Variants in DNAH11 observed in about 807,000 individuals in gnomAD.
The protein encoded by DNAH11 is axonemal beta dynein heavy chain 11.
Under a neutral mutation model 526.0 loss-of-function variants are expected in DNAH11, and 442 were observed. The ratio of observed to expected loss-of-function variants is 0.84; its 90% CI spans 0.78 to 0.91. DNAH11 has a LOEUF of 0.91. DNAH11 is among the 40% of genes least tolerant of loss of function. The pLI is 0.00. For missense variants in DNAH11, 6,989 were observed against 5,448.7 expected, an observed-to-expected ratio of 1.28 and a Z score of -8.90; for synonymous variants, 2,461 against 1,935.9, an observed-to-expected ratio of 1.27 and a Z score of -7.12.
At chr7:21,745,789 A>T (rs1193994472) in intron 51 of DNAH11, among the ~76,000 whole-genome samples, 1 of 152,240 alleles carries the variant, frequency 6.6e-6, no homozygotes, top group Non-Finnish European at 1.5e-5. Flanking sequence ...GAGAAATACA[A>T]TAAGTGAATT....
intron 36 of DNAH11, among the ~76,000 whole-genome samples, chr7:21,699,118 G>A (rs1783962740): frequency 6.6e-6 from 1 of 152,078 alleles, no homozygotes; most frequent in Admixed American, 6.5e-5. Context: ...ATAAGATAGG[G>A]CAGGAGTGTT....
chr7:21,882,200 G>T (rs1281927350), intron 75 of DNAH11, among the ~76,000 whole-genome samples: 2 of 152,188 alleles, frequency 1.3e-5, no homozygotes, highest in Admixed American at 6.5e-5. Context: ...GAAGAGGGAA[G>T]TGGACACACG....
intron 54 of DNAH11, among the ~76,000 whole-genome samples, chr7:21,751,753 C>T (rs41479046): frequency 0.011 from 1,614 of 152,308 alleles, 20 homozygotes; most frequent in Middle Eastern, 0.037. Flanking sequence ...GTTAATCTTA[C>T]TGAGCAATTC....
chr7:21,728,237 CTTTTTTTTTTTTTT>C lies in DNAH11; in HGVS notation c.7440+2278_7440+2291del, dbSNP rs71026816. ...TCACCCATTCCAACAGCCCACAATT[CTTTTTTTTTTTTTT>C]TTTTTTTTTTTTTTTTTTTTTTTTG... On this transcript the variant is annotated intron_variant, in intron 45 of 81. Transcript: ENST00000409508. 5.8e-4 allele frequency among the ~76,000 whole-genome samples: 34 copies of C among 58,940 alleles called. 1 individual carries two copies. The highest frequency in any genetic ancestry group is 8.8e-4 in the Non-Finnish European group (30 of 34,186). The allele number at this position is 58,940 out of a possible 152,430, so 38.7% of individuals were successfully genotyped here. A position where few individuals can be genotyped will look rare whatever the true frequency, so the allele number is the denominator to read the frequency against.
At chr7:21,856,734 T>C (rs919745195) in intron 68 of DNAH11, among the ~76,000 whole-genome samples, 6 of 151,904 alleles carry the variant, frequency 3.9e-5, no homozygotes, top group African/African-American at 7.3e-5. Context: ...AAAAAGCTCA[T>C]ATGGTCATTT....
Position 21,786,623 on chromosome 7 carries a change from G to T in DNAH11, c.9598-1G>T. ...ACGTGTTTCTGTGTGCTTTTCTTCAGGTCAACCTCAGTGAGCTGAAAGCCT... is the reference window on the plus strand; with the variant it reads ...ACGTGTTTCTGTGTGCTTTTCTTCATGTCAACCTCAGTGAGCTGAAAGCCT... On this transcript the variant is annotated splice_acceptor_variant, in intron 58 of 81. Coordinates refer to ENST00000409508, the MANE Select transcript of DNAH11 (RefSeq NM_001277115.2). LOFTEE classifies it high-confidence loss of function. 1.9e-6 allele frequency: 3 copies of T among 1,610,134 alleles called. No individual in the cohort carries two copies. Among genetic ancestry groups the T allele is most frequent in the Non-Finnish European group, 2.5e-6 (3 of 1,177,352 alleles).
Position 21,587,193 on chromosome 7 carries a change from T to C in DNAH11, c.1711-871T>C, listed in dbSNP as rs149360004. On this transcript the variant is annotated intron_variant, in intron 9 of 81. Transcript: ENST00000409508. ...GGTAGTAAACAAGACAAGAGACTAA[T>C]GGGAATCCAAAATCAGACTCACTGG... Among the ~76,000 whole-genome samples, 583 of 152,312 alleles carry C rather than the reference T, an allele frequency of 3.8e-3. 3 individuals are homozygous for C. Among genetic ancestry groups the C allele is most frequent in the South Asian group, 8.5e-3 (41 of 4,820 alleles).
intron 30 of DNAH11, among the ~76,000 whole-genome samples, chr7:21,673,242 T>G (rs563993139): frequency 6.6e-6 from 1 of 152,268 alleles, no homozygotes; most frequent in Admixed American, 6.5e-5. Context: ...AAATATACAG[T>G]GAGATCTTAG....
In DNAH11 at chr7:21,591,535, G is replaced by C; in HGVS notation, c.2625G>C (p.Lys875Asn). Reference sequence around the variant, plus strand: ...GTGATTTGTTTACAAAAAAATACAAGTTAATCCAAGGAGATGGCTGCAAGA... The same window carrying C: ...GTGATTTGTTTACAAAAAAATACAACTTAATCCAAGGAGATGGCTGCAAGA... ...DKGDLFTKKY[K>N]LIQGDGCKIH... Residue 875 changes from lysine (K) to asparagine (N), a missense_variant, in exon 14 of 82, where the codon AAG becomes AAC. Transcript: ENST00000409508. 1 of 1,593,106 alleles carries C rather than the reference G, an allele frequency of 6.3e-7. No homozygotes were observed. The highest frequency in any genetic ancestry group is 8.6e-7 in the Non-Finnish European group (1 of 1,165,694).
chr7:21,591,320 A>T lies in DNAH11; in HGVS notation c.2410A>T (p.Thr804Ser), dbSNP rs1341018878. 1 of 1,613,962 alleles carries T rather than the reference A, an allele frequency of 6.2e-7. No homozygotes were observed. Among genetic ancestry groups the T allele is most frequent in the Non-Finnish European group, 8.5e-7 (1 of 1,179,854 alleles). ...EQLTAATTWL[T>S]WQDDCWGYIE... ...GCTGACAGCAGCCACAACGTGGCTG[A>T]CATGGCAGGATGACTGCTGGGGCTA... The change falls in exon 14 of 82, where the codon ACA becomes TCA. Residue 804 changes from threonine to serine, a missense_variant. Physicochemically the swap from Thr to Ser is moderately conservative, Grantham distance 58 (BLOSUM62 1). Coordinates refer to ENST00000409508, the MANE Select transcript of DNAH11 (RefSeq NM_001277115.2).
intron 73 of DNAH11, among the ~76,000 whole-genome samples, chr7:21,869,574 G>A (rs999652309): frequency 5.9e-5 from 9 of 152,080 alleles, no homozygotes. Context: ...CCAGGCCACT[G>A]CCCAGGAGCT....
intron 48 of DNAH11, among the ~76,000 whole-genome samples, chr7:21,739,985 T>C (rs192961676): frequency 6.6e-6 from 1 of 152,320 alleles, no homozygotes. Context: ...TCAGCCAATA[T>C]TGACACATTA....
rs767143857 is a variant in DNAH11 at position 21,601,004 on chromosome 7, C to G, written c.3256-6C>G. 1.9e-6 allele frequency: 3 copies of G among 1,610,512 alleles called. No individual in the cohort carries two copies. The highest frequency in any genetic ancestry group is 2.2e-5 in the East Asian group (1 of 44,876). On this transcript the variant is annotated splice_region_variant and splice_polypyrimidine_tract_variant and intron_variant, in intron 16 of 81. Coordinates refer to ENST00000409508, the MANE Select transcript of DNAH11 (RefSeq NM_001277115.2). ...GTTGTTCTAATTAATCTTTTTCTCA[C>G]TACAGATTGACATTTATGAAGCTTT...
In DNAH11 at chr7:21,819,057, A is replaced by G. The variant is rs562393587; in HGVS notation, c.10691+718A>G. Among the ~76,000 whole-genome samples, 57 of 152,256 alleles carry G rather than the reference A, an allele frequency of 3.7e-4. 2 individuals carry two copies. The South Asian group carries it at 5.2e-3, about 14-fold the overall frequency. ...GTCAGGTGCAGCAATTGTGTCTTCA[A>G]TCAAGTCTGGGTGGGCATAGGGGAA... On this transcript the variant is annotated intron_variant, in intron 65 of 81. Transcript: ENST00000409508.
In DNAH11 at chr7:21,543,472, A is replaced by C; in HGVS notation, c.227A>C (p.Lys76Thr). 6.3e-7 allele frequency: 1 copy of C among 1,591,616 alleles called. No homozygotes were observed. The highest frequency in any genetic ancestry group is 8.6e-7 in the Non-Finnish European group (1 of 1,168,532). The change falls in exon 1 of 82, where the codon AAA (lysine) becomes ACA (threonine). Residue 76 changes from lysine (K) to threonine (T), a missense_variant. Physicochemically the swap from Lys to Thr is moderately conservative, Grantham distance 78 (BLOSUM62 -1). Coordinates refer to ENST00000409508, the MANE Select transcript of DNAH11 (RefSeq NM_001277115.2). ...LAMMLGFTEEKWSQYLESEDN... is the reference protein window; with the variant it reads ...LAMMLGFTEETWSQYLESEDN... Reference sequence around the variant, plus strand: ...ATGATGCTGGGGTTCACGGAGGAGAAATGGAGCCAGTATTTGGAAAGCGAG... The same window carrying C: ...ATGATGCTGGGGTTCACGGAGGAGACATGGAGCCAGTATTTGGAAAGCGAG...
At chr7:21,814,359 TA>T (rs1789677305) in intron 63 of DNAH11, among the ~76,000 whole-genome samples, 1 of 151,446 alleles carries the variant, frequency 6.6e-6, no homozygotes, top group Non-Finnish European at 1.5e-5. Flanking sequence ...ATTTTTTTTT[TA>T]TTTTTTTATT....
At chr7:21,769,576 TCG>T (rs1018506565) in intron 55 of DNAH11, among the ~76,000 whole-genome samples, 14 of 151,954 alleles carry the variant, frequency 9.2e-5, no homozygotes, top group African/African-American at 3.4e-4. Flanking sequence ...CTTCCGCCTC[TCG>T]GGTTCAAGTG....
chr7:21,601,069 T>C lies in DNAH11; in HGVS notation c.3315T>C (p.Phe1105=), dbSNP rs1785065847. The change falls in exon 17 of 82, where the codon TTT becomes TTC. Residue 1105 remains phenylalanine (F), a synonymous_variant. Transcript: ENST00000409508. ...QMSKFEDFRV[F]DSWFKVDMKP... is the part of the protein sequence containing the mutation. Reference sequence around the variant, plus strand: ...GCAAATTTGAGGACTTTAGAGTGTTTGATAGTTGGTTCAAGGTGGACATGA... The same window carrying C: ...GCAAATTTGAGGACTTTAGAGTGTTCGATAGTTGGTTCAAGGTGGACATGA... 2.5e-6 allele frequency: 4 copies of C among 1,611,880 alleles called. No individual in the cohort carries two copies. The highest frequency in any genetic ancestry group is 3.4e-6 in the Non-Finnish European group (4 of 1,179,526).
At chr7:21,722,955 T>G (rs1437856238) in intron 44 of DNAH11, among the ~76,000 whole-genome samples, 1 of 152,178 alleles carries the variant, frequency 6.6e-6, no homozygotes, top group Non-Finnish European at 1.5e-5. Context: ...CTTTCCAGTT[T>G]CCAAATGTAT....
Sources: allele counts gnomAD v4.1 joint callset (sites outside exome capture counted in the v4.1 genomes callset), GRCh38; gene constraint gnomAD v4.1.1; transcripts MANE v1.5; gene names NCBI Gene and HGNC (gene_info 2026-07-23, HGNC 2026-07-21).